Variants in PDZD2 observed in about 807,000 individuals in gnomAD.
PDZD2 encodes PDZ domain-containing protein 2.
Under a neutral mutation model 220.7 loss-of-function variants are expected in PDZD2, and 90 were observed. The ratio of observed to expected loss-of-function variants is 0.41; its 90% CI spans 0.34 to 0.49. The LOEUF is 0.49. Among genes scored for constraint, PDZD2 ranks in the 20% least tolerant of loss-of-function variants. The pLI, the probability that PDZD2 is intolerant of heterozygous loss-of-function variation, is 0.28. For missense variants in PDZD2, 3,174 were observed against 3,608.5 expected (o/e 0.88, Z 3.08); for synonymous variants, 1,375 against 1,450.5 (o/e 0.95, Z 1.18).
Position 32,110,586 on chromosome 5 carries a change from A to T in PDZD2, c.*2451A>T, listed in dbSNP as rs1745297521. On this transcript the variant is annotated 3_prime_UTR_variant, in exon 25 of 25. Transcript: ENST00000438447. ...TTTCTTTTTTTTTAACTGGTCAGTC[A>T]TTCACAATAAGCTATGAGGGTAAAT... 2 of 152,608 alleles carry T rather than the reference A, an allele frequency of 1.3e-5. No individual in the cohort carries two copies. The highest frequency in any genetic ancestry group is 4.8e-5 in the African/African-American group (2 of 41,438). The allele number at this position is 152,608 out of a possible 1,614,324, so 9.5% of individuals were successfully genotyped here.
At chr5:31,697,159 T>C (rs1219716222) in intron 1 of PDZD2, among the ~76,000 whole-genome samples, 1 of 152,078 alleles carries the variant, frequency 6.6e-6, no homozygotes, top group Admixed American at 6.6e-5. Context: ...CTGTAGAAAG[T>C]TTAGAAAATA....
chr5:31,856,111 AGTTT>A (rs1415721023), intron 2 of PDZD2, among the ~76,000 whole-genome samples: 2 of 152,228 alleles, frequency 1.3e-5, no homozygotes, highest in Non-Finnish European at 2.9e-5. Context: ...ATATTTTCAG[AGTTT>A]GCACTCTTAC....
At position 31,983,628 on chromosome 5, in the gene PDZD2, A is replaced by T; in HGVS notation, c.950A>T (p.Asp317Val). Residue 317 changes from aspartate to valine, a missense_variant, in exon 3 of 25, where the codon GAC becomes GTC. Transcript: ENST00000438447. ...CGCTTCTCAAAAGGTGGGAAGACGG[A>T]CTTCCAATCGAGTGACTGCCTGGCA... ...KRRFSKGGKT[D>V]FQSSDCLARE... is the part of the protein sequence containing the mutation. 1 of 1,613,946 alleles carries T rather than the reference A, an allele frequency of 6.2e-7. No individual in the cohort carries two copies. The highest frequency in any genetic ancestry group is 8.5e-7 in the Non-Finnish European group (1 of 1,179,818).
intron 1 of PDZD2, among the ~76,000 whole-genome samples, chr5:31,643,099 A>C (rs1745008707): frequency 6.6e-6 from 1 of 152,146 alleles, no homozygotes; most frequent in South Asian, 2.1e-4. Flanking sequence ...GAATCGAAAG[A>C]GGTACTAAGG....
chr5:31,880,800 T>C (rs1300503437), intron 2 of PDZD2, among the ~76,000 whole-genome samples: 10 of 124,128 alleles, frequency 8.1e-5, no homozygotes, highest in African/African-American at 2.4e-4. Flanking sequence ...TCTTTTTTTT[T>C]TTTTTTTTTT....
chr5:31,820,148 A>G (rs1399350803), intron 2 of PDZD2, among the ~76,000 whole-genome samples: 1 of 152,218 alleles, frequency 6.6e-6, no homozygotes, highest in Non-Finnish European at 1.5e-5. Flanking sequence ...ATGCTGGGAT[A>G]CTTGATATGA....
rs145377654 is a variant in PDZD2 at position 32,066,532 on chromosome 5, A to C, written c.2452-3037A>C. 1.3e-4 allele frequency among the ~76,000 whole-genome samples: 20 copies of C among 152,288 alleles called. No homozygotes were observed. The East Asian group carries it at 3.9e-3, about 29-fold the overall frequency. On this transcript the variant is annotated intron_variant, in intron 14 of 24. Coordinates refer to ENST00000438447, the MANE Select transcript of PDZD2 (RefSeq NM_178140.4). ...TTTGCCTGAAGGTTGCATCTAAAGCAGTTCTCAGCTCCTTCCTCCAGAATC... is the reference window on the plus strand; with the variant it reads ...TTTGCCTGAAGGTTGCATCTAAAGCCGTTCTCAGCTCCTTCCTCCAGAATC...
At chr5:32,036,673 A>G (rs1011814441) in intron 6 of PDZD2, among the ~76,000 whole-genome samples, 3 of 152,200 alleles carry the variant, frequency 2.0e-5, no homozygotes, top group Admixed American at 2.0e-4. Context: ...CGTCTGATCA[A>G]TACTCACTCC....
intron 1 of PDZD2, among the ~76,000 whole-genome samples, chr5:31,708,534 T>C (rs1324486700): frequency 1.3e-5 from 2 of 152,270 alleles, no homozygotes; most frequent in Middle Eastern, 3.2e-3. Flanking sequence ...CTCAGAGTTA[T>C]TTCAAGGAGA....
At chr5:32,038,775 C>T (rs1296159809) in intron 7 of PDZD2, among the ~76,000 whole-genome samples, 1 of 152,090 alleles carries the variant, frequency 6.6e-6, no homozygotes, top group Non-Finnish European at 1.5e-5. Flanking sequence ...GTTTTGAAGC[C>T]TGGCAGAACT....
intron 21 of PDZD2, among the ~76,000 whole-genome samples, chr5:32,093,441 C>T (rs963838170): frequency 6.6e-5 from 10 of 152,086 alleles, no homozygotes; most frequent in Non-Finnish European, 1.3e-4. Flanking sequence ...TGTAGTCCCG[C>T]CGTTGCCCTG....
At chr5:31,796,146 A>G (rs1374648403) in intron 1 of PDZD2, among the ~76,000 whole-genome samples, 6 of 152,224 alleles carry the variant, frequency 3.9e-5, no homozygotes, top group Non-Finnish European at 7.3e-5. Context: ...CTCGAGTTGC[A>G]AAGAGTGGAA....
intron 18 of PDZD2, among the ~76,000 whole-genome samples, chr5:32,075,874 ATTT>A (rs1182582421): frequency 2.0e-5 from 3 of 152,138 alleles, no homozygotes; most frequent in Admixed American, 2.0e-4. Context: ...TTTTAACCTT[ATTT>A]TTGTTTTAAT....
chr5:31,796,780 T>G (rs1754052055), intron 1 of PDZD2, among the ~76,000 whole-genome samples: 1 of 152,214 alleles, frequency 6.6e-6, no homozygotes, highest in Non-Finnish European at 1.5e-5. Context: ...AAATGTTCGA[T>G]AAATACTTGC....
chr5:31,674,820 T>C (rs1746343841), intron 1 of PDZD2, among the ~76,000 whole-genome samples: 1 of 152,042 alleles, frequency 6.6e-6, no homozygotes, highest in Non-Finnish European at 1.5e-5. Flanking sequence ...TTTCATGTAA[T>C]CAATGTGACC....
At chr5:31,927,479 G>A (rs1332130143) in intron 2 of PDZD2, among the ~76,000 whole-genome samples, 1 of 152,134 alleles carries the variant, frequency 6.6e-6, no homozygotes, top group African/African-American at 2.4e-5. Context: ...CGCCTCCCAG[G>A]CTCAAGTGAT....
intron 1 of PDZD2, among the ~76,000 whole-genome samples, chr5:31,666,001 C>G (rs1422923647): frequency 3.3e-5 from 5 of 152,182 alleles, no homozygotes; most frequent in African/African-American, 1.2e-4. Context: ...GAACTCCAGC[C>G]CTTTGGAGGT....
chr5:31,885,531 G>T (rs1405984493), intron 2 of PDZD2, among the ~76,000 whole-genome samples: 1 of 152,084 alleles, frequency 6.6e-6, no homozygotes, highest in African/African-American at 2.4e-5. Context: ...TTTATCAAAA[G>T]AATGAATAAA....
At chr5:31,877,809 C>G (rs78103416) in intron 2 of PDZD2, among the ~76,000 whole-genome samples, 1,628 of 152,198 alleles carry the variant, frequency 0.011, 28 homozygotes, top group African/African-American at 0.037. Flanking sequence ...CCTACCTCAC[C>G]CTCCCGAGCA....
Sources: allele counts gnomAD v4.1 joint callset (sites outside exome capture counted in the v4.1 genomes callset), GRCh38; gene constraint gnomAD v4.1.1; transcripts MANE v1.5; gene names NCBI Gene and HGNC (gene_info 2026-07-23, HGNC 2026-07-21).